The following FZD3 variants were observed in gnomAD, a reference collection of about 807,000 sequenced individuals.
FZD3 encodes frizzled-3.
Under a neutral mutation model 60.7 loss-of-function variants are expected in FZD3, and 30 were observed. The ratio of observed to expected loss-of-function variants is 0.49; its 90% CI spans 0.37 to 0.67. The LOEUF is 0.67. Ranked by LOEUF, FZD3 falls within the 30% of genes least tolerant of loss-of-function variation. FZD3 has a pLI of 0.00. For missense variants in FZD3, 605 were observed against 838.7 expected, an observed-to-expected ratio of 0.72 and a Z score of 3.44; for synonymous variants, 246 against 275.2, an observed-to-expected ratio of 0.89 and a Z score of 1.05.
chr8:28,515,514 G>A (rs1804401814), intron 3 of FZD3, among the ~76,000 whole-genome samples: 1 of 152,176 alleles, frequency 6.6e-6, no homozygotes, highest in Non-Finnish European at 1.5e-5. Context: ...CTTCCCCTGG[G>A]GTGGGCTGTC....
intron 5 of FZD3, among the ~76,000 whole-genome samples, chr8:28,541,222 C>T (rs537160178): frequency 6.6e-6 from 1 of 152,288 alleles, no homozygotes; most frequent in East Asian, 1.9e-4. Flanking sequence ...TGTCTTGGCC[C>T]TCTGGCTCCA....
Position 28,570,571 on chromosome 8 carries a change from G to C in FZD3, c.*7560G>C. 1 of 151,286 alleles carries C rather than the reference G, an allele frequency of 6.6e-6. No individual in the cohort carries two copies. Among genetic ancestry groups the C allele is most frequent in the Non-Finnish European group, 1.5e-5 (1 of 68,054 alleles). 9.4% of individuals were successfully genotyped at this position (151,286 alleles called of 1,614,324 possible). On this transcript the variant is annotated 3_prime_UTR_variant, in exon 8 of 8. Transcript: ENST00000240093. The stretch of plus-strand genomic sequence containing the variant: ...ACCCGGGAGGCGGAGCTTGCAGTGA[G>C]CTGAGATCGCACCGCTGCACTCCAG...
chr8:28,547,464 A>G (rs1805321646), intron 5 of FZD3, among the ~76,000 whole-genome samples: 1 of 152,200 alleles, frequency 6.6e-6, no homozygotes, highest in African/African-American at 2.4e-5. Context: ...GACATAGCCA[A>G]ATTGTCTTTT....
At position 28,545,468 on chromosome 8, in the gene FZD3, AAGAG is replaced by A. The variant is rs71772710; in HGVS notation, c.1405-6131_1405-6128del. On this transcript the variant is annotated intron_variant, in intron 5 of 7. Transcript: ENST00000240093. ...GGTTTCATGAAGGGAGGGAAACAGA[AAGAG>A]AGAAAGGTGATTGAGAAGACCAATC... 4.7e-3 allele frequency among the ~76,000 whole-genome samples: 715 copies of A among 152,332 alleles called. 25 individuals are homozygous for A. In the East Asian group the frequency reaches 0.091, roughly 19 times the overall value.
intron 5 of FZD3, among the ~76,000 whole-genome samples, chr8:28,545,201 T>A (rs1585991945): frequency 6.6e-6 from 1 of 152,242 alleles, no homozygotes; most frequent in Non-Finnish European, 1.5e-5. Context: ...TGCAGCCCCC[T>A]GCCTCCAACC....
At chr8:28,551,088 A>C (rs770640225) in intron 5 of FZD3, among the ~76,000 whole-genome samples, 33 of 152,186 alleles carry the variant, frequency 2.2e-4, no homozygotes, top group Non-Finnish European at 4.4e-4. Context: ...ATCTATCTAG[A>C]TAGATAGATA....
At chr8:28,538,765 A>G (rs1805084856) in intron 5 of FZD3, among the ~76,000 whole-genome samples, 1 of 151,886 alleles carries the variant, frequency 6.6e-6, no homozygotes, top group Admixed American at 6.6e-5. Flanking sequence ...AAATGAATCT[A>G]GAAACTATTC....
intron 5 of FZD3, among the ~76,000 whole-genome samples, chr8:28,534,868 C>G (rs1018728214): frequency 6.6e-6 from 1 of 152,156 alleles, no homozygotes; most frequent in African/African-American, 2.4e-5. Context: ...GAATAAAGAT[C>G]TGCTGTTATT....
At chr8:28,556,446 TTAA>T (rs1259939932) in intron 7 of FZD3, among the ~76,000 whole-genome samples, 1 of 152,198 alleles carries the variant, frequency 6.6e-6, no homozygotes, top group Non-Finnish European at 1.5e-5. Context: ...ATCTGCCTCT[TTAA>T]TAATCTTGTA....
At chr8:28,525,598 G>A (rs1208645368) in intron 4 of FZD3, among the ~76,000 whole-genome samples, 2 of 152,142 alleles carry the variant, frequency 1.3e-5, no homozygotes, top group African/African-American at 4.8e-5. Flanking sequence ...GAGAATGGAA[G>A]GAAATAAGAT....
intron 3 of FZD3, among the ~76,000 whole-genome samples, chr8:28,509,542 CTCT>C (rs1804230127): frequency 6.6e-6 from 1 of 151,444 alleles, no homozygotes; most frequent in East Asian, 1.9e-4. Context: ...CCAGAGTTTT[CTCT>C]TCTTCCAGAA....
intron 1 of FZD3, among the ~76,000 whole-genome samples, chr8:28,498,419 G>A (rs1159871746): frequency 1.3e-5 from 2 of 151,808 alleles, no homozygotes; most frequent in Non-Finnish European, 2.9e-5. Context: ...CAGAATCTTT[G>A]CTATGTCCTG....
At chr8:28,545,127 T>C (rs1585991826) in intron 5 of FZD3, among the ~76,000 whole-genome samples, 1 of 152,180 alleles carries the variant, frequency 6.6e-6, no homozygotes, top group East Asian at 1.9e-4. Context: ...CATTGTGAGT[T>C]ATGGAGGGGA....
At chr8:28,552,145 A>T (rs1805423503) in intron 6 of FZD3, among the ~76,000 whole-genome samples, 1 of 152,216 alleles carries the variant, frequency 6.6e-6, no homozygotes, top group East Asian at 1.9e-4. Context: ...GAAAACCAAG[A>T]TAGAGGTTAA....
intron 5 of FZD3, among the ~76,000 whole-genome samples, chr8:28,547,147 A>T (rs986669454): frequency 2.0e-5 from 3 of 152,140 alleles, no homozygotes; most frequent in Admixed American, 1.3e-4. Context: ...ACGCGTGTAC[A>T]AACAAGTATA....
intron 5 of FZD3, among the ~76,000 whole-genome samples, chr8:28,542,542 G>A (rs1238152834): frequency 3.9e-5 from 6 of 152,188 alleles, no homozygotes; most frequent in Non-Finnish European, 8.8e-5. Context: ...GGAGGCTGAT[G>A]TAGGAGAATC....
Position 28,573,098 on chromosome 8 carries a change from G to A in FZD3, c.*10087G>A, listed in dbSNP as rs1400099213. The stretch of plus-strand genomic sequence containing the variant: ...TGGTACACTTCTTCCTAGGCAATAT[G>A]CTCATGATACCCTCTTCATGTGACC... On this transcript the variant is annotated 3_prime_UTR_variant, in exon 8 of 8. Coordinates refer to ENST00000240093, the MANE Select transcript of FZD3 (RefSeq NM_017412.4). The A allele has an allele frequency of 6.6e-6, 1 of 152,072 alleles. No homozygotes were observed. The highest frequency in any genetic ancestry group is 1.9e-4 in the East Asian group (1 of 5,190). 9.4% of individuals were successfully genotyped at this position (152,072 alleles called of 1,614,324 possible). A position where few individuals can be genotyped will look rare whatever the true frequency, so the allele number is the denominator to read the frequency against.
At chr8:28,511,599 A>G (rs541267237) in intron 3 of FZD3, among the ~76,000 whole-genome samples, 4 of 152,242 alleles carry the variant, frequency 2.6e-5, no homozygotes, top group African/African-American at 7.2e-5. Context: ...CCTTAAGTCT[A>G]TCAACTCTGT....
chr8:28,513,875 G>T (rs571441750), intron 3 of FZD3, among the ~76,000 whole-genome samples: 30 of 152,268 alleles, frequency 2.0e-4, no homozygotes, highest in African/African-American at 7.0e-4. Flanking sequence ...CTTTGACTGG[G>T]TCCCCTCTGC....
Sources: gnomAD v4.1 joint callset for allele counts (sites outside exome capture counted in the v4.1 genomes callset) on GRCh38, gnomAD v4.1.1 for gene constraint, MANE v1.5 for transcripts, NCBI Gene and HGNC (gene_info 2026-07-23, HGNC 2026-07-21) for gene names.